The following POLN variants were observed in gnomAD, a reference collection of about 807,000 sequenced individuals.
POLN encodes the protein DNA polymerase nu, also known as DNA polymerase N.
POLN carries 108 observed loss-of-function variants against 113.5 expected under a neutral mutation model. That is an observed-to-expected ratio of 0.95 (90% CI 0.81 to 1.12). The LOEUF is 1.12. Among genes scored for constraint, POLN ranks in the 50% most tolerant of loss-of-function variants. The pLI, the probability that POLN is intolerant of heterozygous loss-of-function variation, is 0.00. For missense variants in POLN, 1,097 were observed against 1,077.1 expected (o/e 1.02, Z -0.26); for synonymous variants, 386 against 391.5 (o/e 0.99, Z 0.17).
Position 2,127,338 on chromosome 4 carries a change from G to A in POLN, c.1982+775C>T, listed in dbSNP as rs1280586028. Among the ~76,000 whole-genome samples the A allele has an allele frequency of 6.6e-6, 1 of 152,110 alleles. No homozygotes were observed. The highest frequency in any genetic ancestry group is 1.5e-5 in the Non-Finnish European group (1 of 68,004). ...ACCCGGCCCGGTGAACACCTGTGAT[G>A]TATAAGCCAAACACAATAATCCACT... is the stretch of plus-strand genomic sequence containing the variant. On this transcript the variant is annotated intron_variant, in intron 19 of 25. Coordinates refer to ENST00000511885, the MANE Select transcript of POLN (RefSeq NM_181808.4). The surrounding 1 kb of genome is among the most constrained non-coding windows in gnomAD (Gnocchi z 4.7).
intron 16 of POLN, among the ~76,000 whole-genome samples, chr4:2,148,606 G>T (rs963959183): frequency 6.6e-6 from 1 of 151,992 alleles, no homozygotes; most frequent in Non-Finnish European, 1.5e-5. Flanking sequence ...GGCGGAGGTT[G>T]CAGTGAGCCG....
intron 8 of POLN, among the ~76,000 whole-genome samples, chr4:2,176,535 A>G (rs1001472144): frequency 6.6e-6 from 1 of 152,336 alleles, no homozygotes; most frequent in Non-Finnish European, 1.5e-5. Context: ...TCTACTGCGC[A>G]AGTGCAAGCT....
intron 16 of POLN, among the ~76,000 whole-genome samples, chr4:2,148,320 A>G (rs1280909016): frequency 1.3e-5 from 2 of 152,118 alleles, no homozygotes; most frequent in East Asian, 3.9e-4. Flanking sequence ...GACCTAATAT[A>G]TGTAATTATA....
At position 2,113,504 on chromosome 4, in the gene POLN, T is replaced by C. The variant is rs892597385; in HGVS notation, c.1982+14609A>G. Among the ~76,000 whole-genome samples, 6 of 152,134 alleles carry C rather than the reference T, an allele frequency of 3.9e-5. No individual in the cohort carries two copies. The East Asian group carries it at 1.2e-3, about 29-fold the overall frequency. On this transcript the variant is annotated intron_variant, in intron 19 of 25. Transcript: ENST00000511885. ...TACTTTATAATAGTATAATTCCCCT[T>C]TCTCCTCTGTACTTTTGATGTCTTA...
chr4:2,142,112 G>A (rs550732196), intron 16 of POLN, among the ~76,000 whole-genome samples: 31 of 152,270 alleles, frequency 2.0e-4, no homozygotes, highest in Admixed American at 1.0e-3. Context: ...AAAAATACAA[G>A]GCTTTGAGTC....
chr4:2,081,444 T>A (rs1730416348), intron 22 of POLN, 189 bp downstream of exon 22: 2 of 646,122 alleles, frequency 3.1e-6, no homozygotes, highest in Non-Finnish European at 5.5e-6. Context: ...GCTACAAAGA[T>A]GACCGTGTCC....
intron 3 of POLN, among the ~76,000 whole-genome samples, chr4:2,215,451 A>C (rs1218227848): frequency 6.6e-6 from 1 of 152,238 alleles, no homozygotes; most frequent in Non-Finnish European, 1.5e-5. Flanking sequence ...GACAATGGCT[A>C]AGATGCAGTC....
chr4:2,191,077 G>A (rs1367323695), intron 7 of POLN, among the ~76,000 whole-genome samples: 3 of 152,130 alleles, frequency 2.0e-5, no homozygotes, highest in African/African-American at 7.2e-5. Flanking sequence ...TGTTACTGCA[G>A]TACTATTCAC....
intron 2 of POLN, chr4:2,230,678 T>C (rs1577791359): frequency 6.6e-6 from 1 of 151,928 alleles, no homozygotes; most frequent in East Asian, 1.9e-4. Flanking sequence ...GCTAAAAAAT[T>C]CCATAAAGAC....
intron 13 of POLN, among the ~76,000 whole-genome samples, chr4:2,169,149 G>T (rs57146452): frequency 4.3e-4 from 66 of 152,308 alleles, no homozygotes; most frequent in Admixed American, 3.2e-3. Context: ...GCGCTGGAGT[G>T]GGGGGAGAGA....
chr4:2,150,947 A>T (rs981248568), intron 16 of POLN, among the ~76,000 whole-genome samples: 2 of 152,256 alleles, frequency 1.3e-5, no homozygotes, highest in Non-Finnish European at 2.9e-5. Flanking sequence ...TCAAAGCATG[A>T]TCCATGTAAG....
chr4:2,153,409 T>C (rs1461778544), intron 16 of POLN, among the ~76,000 whole-genome samples: 2 of 152,092 alleles, frequency 1.3e-5, no homozygotes, highest in Non-Finnish European at 2.9e-5. Flanking sequence ...AAACAACATA[T>C]ATAATGTGAT....
intron 2 of POLN, chr4:2,229,681 C>G (rs181080815): frequency 4.7e-4 from 72 of 152,518 alleles, no homozygotes; most frequent in Admixed American, 1.2e-3. Flanking sequence ...AAAAAATTAA[C>G]CAGGCATGGT....
chr4:2,161,751 G>A (rs1358705172), intron 13 of POLN, among the ~76,000 whole-genome samples: 1 of 152,222 alleles, frequency 6.6e-6, no homozygotes, highest in Non-Finnish European at 1.5e-5. Context: ...TGGGGACGTG[G>A]AGCACCTTTA....
chr4:2,228,027 T>A (rs1343122412), intron 3 of POLN: 5 of 152,376 alleles, frequency 3.3e-5, no homozygotes, highest in African/African-American at 1.2e-4. Flanking sequence ...TGCCTCAATA[T>A]GAATGGATCA....
At chr4:2,231,109 G>A (rs948556204) in intron 2 of POLN, 2 of 152,190 alleles carry the variant, frequency 1.3e-5, no homozygotes, top group Admixed American at 1.3e-4. Flanking sequence ...AATGCAGGCA[G>A]GCCAAGGAAG....
chr4:2,090,804 T>C (rs927773375), intron 20 of POLN, among the ~76,000 whole-genome samples: 5 of 152,242 alleles, frequency 3.3e-5, no homozygotes, highest in African/African-American at 1.2e-4. Flanking sequence ...CCTTGGCTTC[T>C]GGGTTGTTTG....
intron 5 of POLN, among the ~76,000 whole-genome samples, chr4:2,206,146 G>A (rs1733837232): frequency 6.6e-6 from 1 of 152,112 alleles, no homozygotes; most frequent in Admixed American, 6.6e-5. Flanking sequence ...AACATAAAGT[G>A]GGGAAAGGAC....
chr4:2,100,127 G>T (rs867990429), intron 19 of POLN, among the ~76,000 whole-genome samples: 2 of 151,588 alleles, frequency 1.3e-5, no homozygotes, highest in African/African-American at 4.8e-5. Flanking sequence ...AATTATGCTA[G>T]GGTTCAAATC....
Sources: gnomAD v4.1 joint callset for allele counts (sites outside exome capture counted in the v4.1 genomes callset) on GRCh38, gnomAD v4.1.1 for gene constraint, Gnocchi (gnomAD v3.1) non-coding constraint, MANE v1.5 for transcripts, NCBI Gene and HGNC (gene_info 2026-07-23, HGNC 2026-07-21) for gene names.